Variants in STRN3 observed in about 807,000 individuals in gnomAD.
STRN3 encodes the protein striatin-3.
STRN3 carries 29 observed loss-of-function variants against 95.6 expected under a neutral mutation model. The ratio of observed to expected loss-of-function variants is 0.30; its 90% CI spans 0.23 to 0.41. The LOEUF is 0.41. Ranked by LOEUF, STRN3 falls within the 10% of genes least tolerant of loss-of-function variation. The pLI, the probability that STRN3 is intolerant of heterozygous loss-of-function variation, is 1.00. For synonymous variants in STRN3, 331 were observed against 357.6 expected, an observed-to-expected ratio of 0.93 and a Z score of 0.84; for missense variants, 890 against 972.1, an observed-to-expected ratio of 0.92 and a Z score of 1.12.
intron 8 of STRN3, 48 bp downstream of exon 8, chr14:30,929,153 C>T (rs1287367871): frequency 1.4e-6 from 2 of 1,461,400 alleles, no homozygotes; most frequent in Admixed American, 2.3e-5. Context: ...GAACTTTTTT[C>T]TCAATTATTG....
At chr14:30,997,734 C>CT (rs1882269733) in intron 1 of STRN3, among the ~76,000 whole-genome samples, 1 of 152,182 alleles carries the variant, frequency 6.6e-6, no homozygotes, top group Admixed American at 6.5e-5. Flanking sequence ...CTTGAACCCT[C>CT]TAAGCTCAGA....
At chr14:30,908,793 T>C (rs761335166) in intron 13 of STRN3, among the ~76,000 whole-genome samples, 7 of 152,238 alleles carry the variant, frequency 4.6e-5, no homozygotes, top group Non-Finnish European at 1.0e-4. Context: ...AGTCCCAGGT[T>C]GTCTTCTCTT....
In STRN3 at chr14:30,935,298, T is replaced by C; in HGVS notation, c.853A>G (p.Asn285Asp). The C allele has an allele frequency of 2.5e-6, 4 of 1,613,744 alleles. No homozygotes were observed. The highest frequency in any genetic ancestry group is 1.1e-5 in the South Asian group (1 of 91,040). ...GTTAGGTCAGCAGCTAAACCTTCATTACCTATCTGTAAATAGAATATAAAC... is the reference window on the plus strand; with the variant it reads ...GTTAGGTCAGCAGCTAAACCTTCATCACCTATCTGTAAATAGAATATAAAC... ...KHRMNKHKIG[N>D]EGLAADLTDD... The change falls in exon 7 of 18, where the codon AAT becomes GAT. Residue 285 changes from asparagine (N) to aspartate (D), a missense_variant. Around this residue, in one of 3 missense-constraint regions of STRN3, gnomAD observed 526 missense variants for 526.3 expected, o/e 1.00. Transcript: ENST00000357479.
chr14:31,020,149 G>C (rs1474255287), intron 1 of STRN3, among the ~76,000 whole-genome samples: 1 of 152,042 alleles, frequency 6.6e-6, no homozygotes, highest in Non-Finnish European at 1.5e-5. Context: ...ATACATTTAG[G>C]AACTTTATGA....
At chr14:30,941,027 C>G (rs2139091482) in intron 5 of STRN3, among the ~76,000 whole-genome samples, 1 of 152,152 alleles carries the variant, frequency 6.6e-6, no homozygotes, top group Non-Finnish European at 1.5e-5. Flanking sequence ...AAAAGAGGCC[C>G]AAAGGAGCCT....
At chr14:30,995,931 G>A (rs531779062) in intron 1 of STRN3, among the ~76,000 whole-genome samples, 3 of 152,122 alleles carry the variant, frequency 2.0e-5, no homozygotes, top group Admixed American at 2.0e-4. Context: ...ACTAAATTCA[G>A]TTGTCCTCCA....
intron 6 of STRN3, among the ~76,000 whole-genome samples, 154 bp downstream of exon 6, chr14:30,936,341 G>A (rs901251879): frequency 6.6e-6 from 1 of 152,150 alleles, no homozygotes; most frequent in Non-Finnish European, 1.5e-5. Context: ...TACTCTATGT[G>A]TGTAATGCAA....
intron 1 of STRN3, among the ~76,000 whole-genome samples, chr14:30,968,613 G>C (rs1880663418): frequency 6.6e-6 from 1 of 150,672 alleles, no homozygotes. Context: ...CCGGGAGGCA[G>C]AGTTGCAGCG....
chr14:31,017,550 A>G (rs1430062597), intron 1 of STRN3, among the ~76,000 whole-genome samples: 1 of 152,114 alleles, frequency 6.6e-6, no homozygotes, highest in Non-Finnish European at 1.5e-5. Context: ...GAAGATGTGC[A>G]TAAGTTACAA....
intron 1 of STRN3, among the ~76,000 whole-genome samples, chr14:31,023,025 G>C (rs1279662416): frequency 6.6e-6 from 1 of 152,094 alleles, no homozygotes; most frequent in African/African-American, 2.4e-5. Flanking sequence ...AGCTGGTCTG[G>C]AATAGTAATT....
chr14:30,949,489 T>C (rs1009580030), intron 4 of STRN3, among the ~76,000 whole-genome samples: 2 of 152,066 alleles, frequency 1.3e-5, no homozygotes, highest in Non-Finnish European at 2.9e-5. Flanking sequence ...CATGCACCTG[T>C]AGTCCCAGCT....
At chr14:30,952,655 G>A (rs934665558) in intron 3 of STRN3, among the ~76,000 whole-genome samples, 2 of 151,774 alleles carry the variant, frequency 1.3e-5, no homozygotes, top group African/African-American at 4.8e-5. Context: ...AGCCAAGATC[G>A]TACCATTGCA....
intron 16 of STRN3, 72 bp downstream of exon 16, chr14:30,902,464 T>C: frequency 9.6e-7 from 1 of 1,045,868 alleles, no homozygotes; most frequent in Non-Finnish European, 1.4e-6. Context: ...CAATATATCT[T>C]ACATAAAACA....
In STRN3 at chr14:30,950,899, T is replaced by A. The variant is rs777662858; in HGVS notation, c.506A>T (p.Gln169Leu). Residue 169 changes from glutamine (Q) to leucine (L), a missense_variant, in exon 4 of 18, where the codon CAG (glutamine) becomes CTG (leucine). Around this residue, in one of 3 missense-constraint regions of STRN3, gnomAD observed 526 missense variants for 526.3 expected, o/e 1.00. Coordinates refer to ENST00000357479, the MANE Select transcript of STRN3 (RefSeq NM_001083893.2). Reference sequence around the variant, plus strand: ...CTGTCTGCCTTGCTTCCACGTTAACTGGCTATTCTGAGGTGCTGTGGGAGC... The same window carrying A: ...CTGTCTGCCTTGCTTCCACGTTAACAGGCTATTCTGAGGTGCTGTGGGAGC... Reference protein sequence around the residue: ...TEAPTAPQNSQLTWKQGRQLL... With the variant: ...TEAPTAPQNSLLTWKQGRQLL... 2 of 1,613,834 alleles carry A rather than the reference T, an allele frequency of 1.2e-6. No homozygotes were observed. The highest frequency in any genetic ancestry group is 1.3e-5 in the African/African-American group (1 of 74,928).
intron 5 of STRN3, among the ~76,000 whole-genome samples, chr14:30,944,548 TACACGTATATATATATATATATAC>T (rs1879257182): frequency 1.1e-5 from 1 of 93,990 alleles, no homozygotes; most frequent in South Asian, 3.7e-4. Context: ...CATGTATATA[TACACGTATATATATATATATATAC>T]ACACACAGAC....
intron 1 of STRN3, among the ~76,000 whole-genome samples, chr14:31,012,356 A>C (rs1271848218): frequency 6.6e-6 from 1 of 152,232 alleles, no homozygotes; most frequent in Non-Finnish European, 1.5e-5. Context: ...ATTTAAATGC[A>C]AGCCATGAAA....
chr14:30,954,253 T>C (rs1244411960), intron 3 of STRN3, among the ~76,000 whole-genome samples: 2 of 152,222 alleles, frequency 1.3e-5, no homozygotes, highest in African/African-American at 4.8e-5. Context: ...TTTCCAAATG[T>C]AGAAGAAAGG....
At chr14:30,909,854 A>G (rs1290054504) in intron 13 of STRN3, among the ~76,000 whole-genome samples, 1 of 152,198 alleles carries the variant, frequency 6.6e-6, no homozygotes, top group African/African-American at 2.4e-5. Context: ...CATACAAATT[A>G]AGAGTCACTC....
At chr14:30,924,888 A>G (rs1490994988) in intron 8 of STRN3, among the ~76,000 whole-genome samples, 3 of 152,150 alleles carry the variant, frequency 2.0e-5, no homozygotes, top group African/African-American at 7.2e-5. Context: ...GAAAGGGAAA[A>G]GCAAGTGTGG....
Sources: allele counts gnomAD v4.1 joint callset (sites outside exome capture counted in the v4.1 genomes callset), GRCh38; gene constraint gnomAD v4.1.1; regional missense constraint gnomAD v4.1.1; transcripts MANE v1.5; gene names NCBI Gene and HGNC (gene_info 2026-07-23, HGNC 2026-07-21).